The following GHR variants were observed in gnomAD, a reference collection of about 807,000 sequenced individuals.
The protein encoded by GHR is GH receptor.
In GHR, 35 loss-of-function variants were observed where a neutral mutation model predicts 67.1. The ratio of observed to expected loss-of-function variants is 0.52; its 90% confidence interval spans 0.40 to 0.69. The LOEUF is 0.69. Among genes scored for constraint, GHR ranks in the 30% least tolerant of loss-of-function variants. GHR has a pLI of 0.00. For missense variants in GHR, 792 were observed against 764.6 expected, an observed-to-expected ratio of 1.04 and a Z score of -0.42; for synonymous variants, 272 against 269.1, an observed-to-expected ratio of 1.01 and a Z score of -0.10.
At chr5:42,445,397 CCAT>C (rs1743764736) in intron 1 of GHR, among the ~76,000 whole-genome samples, 1 of 152,144 alleles carries the variant, frequency 6.6e-6, no homozygotes, top group African/African-American at 2.4e-5. Context: ...AATTGTGCCA[CCAT>C]CAAGTCCTAA....
intron 3 of GHR, among the ~76,000 whole-genome samples, chr5:42,646,682 T>C (rs1220810829): frequency 6.6e-6 from 1 of 152,154 alleles, no homozygotes; most frequent in East Asian, 1.9e-4. Context: ...ACTCAGAGCC[T>C]AGATAGAAAA....
intron 1 of GHR, among the ~76,000 whole-genome samples, chr5:42,545,156 C>T (rs182040713): frequency 9.5e-4 from 144 of 152,208 alleles, no homozygotes; most frequent in African/African-American, 3.0e-3. Context: ...CTGATAGAAC[C>T]GGCCTGAATC....
chr5:42,705,590 G>C lies in GHR; in HGVS notation c.618+5588G>C, dbSNP rs542724693. Reference sequence around the variant, plus strand: ...CCTCCAGTAGGCCCCAGTATCTGTGGTTTCAGTCTTCGTGTCCATGTGTTC... The same window carrying C: ...CCTCCAGTAGGCCCCAGTATCTGTGCTTTCAGTCTTCGTGTCCATGTGTTC... On this transcript the variant is annotated intron_variant, in intron 6 of 9. Transcript: ENST00000230882. 8.6e-5 allele frequency among the ~76,000 whole-genome samples: 13 copies of C among 152,018 alleles called. No individual in the cohort carries two copies. In the South Asian group the frequency reaches 2.7e-3, roughly 32 times the overall value.
chr5:42,478,148 C>T (rs866851551), intron 1 of GHR, among the ~76,000 whole-genome samples: 73 of 152,178 alleles, frequency 4.8e-4, no homozygotes, highest in Middle Eastern at 3.2e-3. Flanking sequence ...GGAATCCTTT[C>T]CCCATTTCTT....
chr5:42,478,290 A>T (rs1002349338), intron 1 of GHR, among the ~76,000 whole-genome samples: 36 of 152,196 alleles, frequency 2.4e-4, no homozygotes, highest in East Asian at 5.8e-4. Context: ...ACTGTAGCCT[A>T]GTAGTATAGT....
At chr5:42,561,721 G>T (rs758433421) in intron 1 of GHR, among the ~76,000 whole-genome samples, 14 of 152,166 alleles carry the variant, frequency 9.2e-5, no homozygotes, top group Non-Finnish European at 1.9e-4. Context: ...CATTATGCAA[G>T]AATAGAACCC....
At chr5:42,679,173 TTA>T (rs1332884431) in intron 3 of GHR, among the ~76,000 whole-genome samples, 2 of 145,808 alleles carry the variant, frequency 1.4e-5, no homozygotes, top group Non-Finnish European at 3.0e-5. Flanking sequence ...AATTAATATA[TTA>T]TATATTGTAT....
At chr5:42,695,695 C>A (rs2111710529) in intron 5 of GHR, among the ~76,000 whole-genome samples, 1 of 152,126 alleles carries the variant, frequency 6.6e-6, no homozygotes, top group Non-Finnish European at 1.5e-5. Flanking sequence ...AAGGTGGAAA[C>A]AAAACAAATA....
At chr5:42,665,607 G>A (rs1480849065) in intron 3 of GHR, among the ~76,000 whole-genome samples, 3 of 152,058 alleles carry the variant, frequency 2.0e-5, no homozygotes, top group Admixed American at 1.3e-4. Context: ...GGGGGTGGAG[G>A]AGGGGGAAGG....
At chr5:42,617,251 A>G (rs1453924043) in intron 2 of GHR, among the ~76,000 whole-genome samples, 6 of 151,902 alleles carry the variant, frequency 3.9e-5, no homozygotes, top group Non-Finnish European at 7.4e-5. Flanking sequence ...TAAAAAAAAA[A>G]AAGAAGAAGA....
At chr5:42,600,792 G>A (rs928774332) in intron 2 of GHR, among the ~76,000 whole-genome samples, 3 of 151,980 alleles carry the variant, frequency 2.0e-5, no homozygotes, top group Non-Finnish European at 4.4e-5. Context: ...GTCATGCTAC[G>A]CTCTAGCCCA....
intron 3 of GHR, among the ~76,000 whole-genome samples, chr5:42,672,359 T>C (rs1186704995): frequency 6.6e-6 from 1 of 152,202 alleles, no homozygotes; most frequent in African/African-American, 2.4e-5. Context: ...AGTGTTCACA[T>C]TGAGAGCCAA....
chr5:42,631,150 G>T (rs536866712), intron 3 of GHR, among the ~76,000 whole-genome samples: 1 of 152,148 alleles, frequency 6.6e-6, no homozygotes, highest in Non-Finnish European at 1.5e-5. Context: ...TCTAAGAAGC[G>T]TAAACATTGT....
intron 3 of GHR, among the ~76,000 whole-genome samples, chr5:42,671,797 A>T (rs923387938): frequency 6.6e-6 from 1 of 151,946 alleles, no homozygotes; most frequent in African/African-American, 2.4e-5. Context: ...TCTACTAAAA[A>T]TACAAAAAAT....
chr5:42,481,974 T>G (rs542640230), intron 1 of GHR, among the ~76,000 whole-genome samples: 6 of 152,266 alleles, frequency 3.9e-5, no homozygotes, highest in Admixed American at 3.3e-4. Flanking sequence ...TTTTAGAGTT[T>G]CCAGTTTTTC....
At chr5:42,696,720 A>C (rs1366356802) in intron 5 of GHR, among the ~76,000 whole-genome samples, 5 of 152,180 alleles carry the variant, frequency 3.3e-5, no homozygotes, top group Admixed American at 3.3e-4. Flanking sequence ...ACCTTTGAGG[A>C]TGTTTAAATA....
intron 3 of GHR, among the ~76,000 whole-genome samples, chr5:42,670,872 A>T (rs1196556343): frequency 3.3e-5 from 3 of 91,284 alleles, no homozygotes; most frequent in African/African-American, 1.2e-4. Context: ...AATTAAAAAA[A>T]AAAAAAAAAT....
chr5:42,584,409 G>A (rs1751362126), intron 2 of GHR, among the ~76,000 whole-genome samples: 1 of 152,158 alleles, frequency 6.6e-6, no homozygotes, highest in Non-Finnish European at 1.5e-5. Context: ...CTGATGCAAA[G>A]TTGAGACTAG....
At chr5:42,682,334 A>G (rs760629792) in intron 3 of GHR, among the ~76,000 whole-genome samples, 1 of 152,240 alleles carries the variant, frequency 6.6e-6, no homozygotes, top group Non-Finnish European at 1.5e-5. Flanking sequence ...TTTAAAAATC[A>G]TAAGAAAGCA....
Sources: allele counts gnomAD v4.1 joint callset (sites outside exome capture counted in the v4.1 genomes callset), GRCh38; gene constraint gnomAD v4.1.1; transcripts MANE v1.5; gene names NCBI Gene and HGNC (gene_info 2026-07-23, HGNC 2026-07-21).